Variants in MBOAT1 observed in about 807,000 individuals in gnomAD.
The protein encoded by MBOAT1 is membrane bound glycerophospholipid O-acyltransferase 1.
In MBOAT1, 67 loss-of-function variants were observed where a neutral mutation model predicts 64.4. The ratio of observed to expected loss-of-function variants is 1.04; its 90% CI spans 0.85 to 1.27. The LOEUF is 1.27. Ranked by LOEUF, MBOAT1 falls within the 50% of genes most tolerant of loss-of-function variation. The probability of loss-of-function intolerance (pLI) is 0.00; values close to 1 mark genes in which losing one functional copy is unlikely to be tolerated. For synonymous variants in MBOAT1, 229 were observed against 218.9 expected, an observed-to-expected ratio of 1.05 and a Z score of -0.41; for missense variants, 563 against 604.6, an observed-to-expected ratio of 0.93 and a Z score of 0.72.
chr6:20,133,461 T>C (rs1458643639), intron 4 of MBOAT1, among the ~76,000 whole-genome samples: 3 of 152,232 alleles, frequency 2.0e-5, no homozygotes, highest in Non-Finnish European at 2.9e-5. Flanking sequence ...GCTATTTTTC[T>C]GGAAAGAGAT....
chr6:20,205,354 T>C (rs1268788917), intron 1 of MBOAT1, among the ~76,000 whole-genome samples: 3 of 152,234 alleles, frequency 2.0e-5, no homozygotes, highest in Admixed American at 1.3e-4. Context: ...ATGTATGGAG[T>C]TGTCAGTGTC....
chr6:20,194,926 A>G (rs1019066861), intron 1 of MBOAT1, among the ~76,000 whole-genome samples: 10 of 151,890 alleles, frequency 6.6e-5, no homozygotes, highest in African/African-American at 2.2e-4. Context: ...CAAAATTTCT[A>G]TAACCTATAG....
chr6:20,179,320 T>G (rs753197862), intron 1 of MBOAT1, among the ~76,000 whole-genome samples: 9 of 152,146 alleles, frequency 5.9e-5, no homozygotes, highest in Admixed American at 3.3e-4. Context: ...AAAATCTGAA[T>G]TAAGCCCCAT....
chr6:20,167,672 G>T (rs1303955222), intron 1 of MBOAT1, among the ~76,000 whole-genome samples: 1 of 152,200 alleles, frequency 6.6e-6, no homozygotes, highest in African/African-American at 2.4e-5. Flanking sequence ...AACAAGCTAT[G>T]AAGTTAGACA....
chr6:20,175,235 T>G (rs2113731919), intron 1 of MBOAT1, among the ~76,000 whole-genome samples: 1 of 152,256 alleles, frequency 6.6e-6, no homozygotes, highest in South Asian at 2.1e-4. Flanking sequence ...TCTTTTTAAG[T>G]CAAGTATTTT....
chr6:20,132,203 T>C (rs1003807316), intron 4 of MBOAT1, among the ~76,000 whole-genome samples: 1 of 152,088 alleles, frequency 6.6e-6, no homozygotes, highest in Non-Finnish European at 1.5e-5. Context: ...TTTAACAAGA[T>C]TGCCAGGGAA....
intron 3 of MBOAT1, among the ~76,000 whole-genome samples, chr6:20,147,200 C>T (rs1030544949): frequency 6.6e-6 from 1 of 152,220 alleles, no homozygotes; most frequent in African/African-American, 2.4e-5. Context: ...TATAAATTAC[C>T]CAGTCTCAGG....
Position 20,175,461 on chromosome 6 carries a change from T to A in MBOAT1, c.100-22692A>T, listed in dbSNP as rs970869317. ...GTTTTATTTATTTATTTATTTATTT[T>A]TTTGAAATGGAGTCTCACTCTGTTG... On this transcript the variant is annotated intron_variant, in intron 1 of 12. Coordinates refer to ENST00000324607, the MANE Select transcript of MBOAT1 (RefSeq NM_001080480.3). 3.2e-4 allele frequency among the ~76,000 whole-genome samples: 49 copies of A among 151,568 alleles called. No individual in the cohort carries two copies. The East Asian group carries it at 4.8e-3, about 15-fold the overall frequency.
intron 1 of MBOAT1, among the ~76,000 whole-genome samples, chr6:20,209,332 C>A (rs1009849604): frequency 5.3e-5 from 8 of 152,170 alleles, no homozygotes; most frequent in African/African-American, 1.7e-4. Context: ...TCAGACTAAT[C>A]AAAATCCCTA....
intron 11 of MBOAT1, among the ~76,000 whole-genome samples, chr6:20,110,239 C>G (rs1214513100): frequency 7.3e-6 from 1 of 137,478 alleles, no homozygotes; most frequent in African/African-American, 2.7e-5. Flanking sequence ...TTAAATAAGA[C>G]TCTTGCTCTG....
In MBOAT1 at chr6:20,100,667, T is replaced by C. The variant is rs1280762504; in HGVS notation, c.*1619A>G. 6.6e-6 allele frequency among the ~76,000 whole-genome samples: 1 copy of C among 152,218 alleles called. No homozygotes were observed. Among genetic ancestry groups the C allele is most frequent in the Non-Finnish European group, 1.5e-5 (1 of 68,040 alleles). ...GACACCTTATGGACCTGTGTCTCTA[T>C]TGACACAGACAAAAAGCAATTATTC... is the stretch of plus-strand genomic sequence containing the variant. On this transcript the variant is annotated 3_prime_UTR_variant, in exon 13 of 13. Transcript: ENST00000324607.
intron 1 of MBOAT1, among the ~76,000 whole-genome samples, chr6:20,158,995 T>C (rs112087779): frequency 3.3e-5 from 5 of 152,344 alleles, no homozygotes; most frequent in African/African-American, 1.2e-4. Flanking sequence ...ACAGCCATTA[T>C]GGAAAACGGT....
chr6:20,123,864 G>A (rs1760567586), intron 8 of MBOAT1, among the ~76,000 whole-genome samples: 1 of 152,112 alleles, frequency 6.6e-6, no homozygotes, highest in Non-Finnish European at 1.5e-5. Flanking sequence ...AGACCATCCT[G>A]GCTAACACTG....
chr6:20,149,646 A>G (rs1049037175), intron 3 of MBOAT1, among the ~76,000 whole-genome samples: 2 of 152,198 alleles, frequency 1.3e-5, no homozygotes, highest in African/African-American at 2.4e-5. Context: ...CCCTTCAAGC[A>G]GGGCACTGAG....
In MBOAT1 at chr6:20,212,332, G is replaced by A. The variant is rs1168545150; in HGVS notation, c.-98C>T. On this transcript the variant is annotated 5_prime_UTR_variant, in exon 1 of 13. Transcript: ENST00000324607. The stretch of plus-strand genomic sequence containing the variant: ...TGCTCTTGGGTGGTTGCCCCGAGAG[G>A]CGCACGGCCGCCTGGTTCGCGGGGG... 5 of 1,086,180 alleles carry A rather than the reference G, an allele frequency of 4.6e-6. No homozygotes were observed. The highest frequency in any genetic ancestry group is 2.7e-6 in the Non-Finnish European group (2 of 751,610). The allele number at this position is 1,086,180 out of a possible 1,614,324, so 67.3% of individuals were successfully genotyped here.
chr6:20,113,090 A>G (rs1475302354), intron 10 of MBOAT1, 82 bp from the exon 11 acceptor site: 1 of 1,504,572 alleles, frequency 6.6e-7, no homozygotes, highest in African/African-American at 1.4e-5. Context: ...GGATAAGACC[A>G]TGCAGAAAGC....
chr6:20,159,009 G>A (rs1452298091), intron 1 of MBOAT1, among the ~76,000 whole-genome samples: 2 of 152,168 alleles, frequency 1.3e-5, no homozygotes, highest in Non-Finnish European at 1.5e-5. Flanking sequence ...AAACGGTATG[G>A]AAGTTCCTCA....
intron 1 of MBOAT1, among the ~76,000 whole-genome samples, chr6:20,159,661 T>C (rs973868117): frequency 1.3e-5 from 2 of 152,138 alleles, no homozygotes; most frequent in African/African-American, 4.8e-5. Flanking sequence ...CATTGATCAA[T>C]GGGTACAAAG....
At chr6:20,127,964 T>C (rs1047030347) in intron 6 of MBOAT1, among the ~76,000 whole-genome samples, 1 of 152,072 alleles carries the variant, frequency 6.6e-6, no homozygotes, top group Non-Finnish European at 1.5e-5. Flanking sequence ...AATCTTTCAA[T>C]AGTGCTCCAC....
Sources: allele counts gnomAD v4.1 joint callset (sites outside exome capture counted in the v4.1 genomes callset), GRCh38; gene constraint gnomAD v4.1.1; transcripts MANE v1.5; gene names NCBI Gene and HGNC (gene_info 2026-07-23, HGNC 2026-07-21).